Variants in RALGAPA1 observed in about 807,000 individuals in gnomAD.
RALGAPA1 encodes the protein ral GTPase-activating protein subunit alpha-1.
In RALGAPA1, 52 loss-of-function variants were observed where a neutral mutation model predicts 269.6. The ratio of observed to expected loss-of-function variants is 0.19; its 90% CI spans 0.15 to 0.24. RALGAPA1 has a LOEUF of 0.24. RALGAPA1 is among the 10% of genes least tolerant of loss of function. The pLI, the probability that RALGAPA1 is intolerant of heterozygous loss-of-function variation, is 1.00. For synonymous variants in RALGAPA1, 817 were observed against 1,008.3 expected, an observed-to-expected ratio of 0.81 and a Z score of 3.60; for missense variants, 1,917 against 3,013.9, an observed-to-expected ratio of 0.64 and a Z score of 8.52.
At chr14:35,541,439 A>G (rs1213272948) in intron 41 of RALGAPA1, among the ~76,000 whole-genome samples, 1 of 152,210 alleles carries the variant, frequency 6.6e-6, no homozygotes, top group Non-Finnish European at 1.5e-5. Context: ...ATCCAGGTCA[A>G]TTGCCCTTCT....
intron 21 of RALGAPA1, among the ~76,000 whole-genome samples, chr14:35,680,580 TTTTATTTA>T (rs145483057): frequency 1.6e-4 from 24 of 150,606 alleles, no homozygotes; most frequent in South Asian, 6.3e-4. Context: ...CTGCCTTTAA[TTTTATTTA>T]TTTATTTATT....
intron 13 of RALGAPA1, among the ~76,000 whole-genome samples, chr14:35,727,347 A>ATC (rs59640063): frequency 7.7e-6 from 1 of 129,306 alleles, no homozygotes; most frequent in East Asian, 2.4e-4. Context: ...ATATATATAT[A>ATC]GTATAATACT....
Position 35,745,422 on chromosome 14 carries a change from GACACACACAC to G in RALGAPA1, c.1252-2867_1252-2858del, listed in dbSNP as rs71445957. On this transcript the variant is annotated intron_variant, in intron 10 of 41. Coordinates refer to ENST00000680220, the MANE Select transcript of RALGAPA1 (RefSeq NM_001346249.2). Reference sequence around the variant, plus strand: ...ATACACATACACAGACACACAGACAGACACACACACACACACACACACACACACAGTATTA... The same window carrying G: ...ATACACATACACAGACACACAGACAGACACACACACACACACACAGTATTA... Among the ~76,000 whole-genome samples, 7 of 146,782 alleles carry G rather than the reference GACACACACAC, an allele frequency of 4.8e-5. No homozygotes were observed. In the South Asian group the frequency reaches 1.5e-3, roughly 32 times the overall value.
At chr14:35,793,927 A>C (rs1336736776) in intron 1 of RALGAPA1, among the ~76,000 whole-genome samples, 1 of 152,250 alleles carries the variant, frequency 6.6e-6, no homozygotes, top group Admixed American at 6.5e-5. Context: ...ACAAAATGTT[A>C]ATATAAAGAT....
At chr14:35,768,837 C>T (rs143351380) in intron 4 of RALGAPA1, among the ~76,000 whole-genome samples, 1,571 of 150,884 alleles carry the variant, frequency 0.01, 33 homozygotes, top group African/African-American at 0.036. Context: ...GCAGAAACCC[C>T]ATCTCTACTA....
intron 17 of RALGAPA1, among the ~76,000 whole-genome samples, chr14:35,697,980 C>A (rs558478502): frequency 3.5e-4 from 54 of 152,126 alleles, no homozygotes; most frequent in Non-Finnish European, 6.9e-4. Flanking sequence ...AATAAATTAT[C>A]ACTGGTTTTG....
At chr14:35,654,582 TC>T in intron 29 of RALGAPA1, 105 bp from the exon 30 acceptor site, 1 of 1,328,218 alleles carries the variant, frequency 7.5e-7, no homozygotes, top group Non-Finnish European at 1.0e-6. Context: ...GGATTATAAA[TC>T]CTACATTTAT....
chr14:35,712,329 C>T (rs973366386), intron 16 of RALGAPA1, among the ~76,000 whole-genome samples: 5 of 149,842 alleles, frequency 3.3e-5, no homozygotes, highest in African/African-American at 7.4e-5. Context: ...AAATATTTTA[C>T]TTTCATTCAT....
At chr14:35,762,328 T>A (rs968459428) in intron 5 of RALGAPA1, among the ~76,000 whole-genome samples, 2 of 152,184 alleles carry the variant, frequency 1.3e-5, no homozygotes, top group Non-Finnish European at 2.9e-5. Context: ...TGATCTCAGC[T>A]CACTGCAACC....
At chr14:35,577,056 G>A (rs1204139670) in intron 37 of RALGAPA1, among the ~76,000 whole-genome samples, 1 of 152,136 alleles carries the variant, frequency 6.6e-6, no homozygotes, top group South Asian at 2.1e-4. Flanking sequence ...TTATTTTGAT[G>A]TGATTTGTTA....
chr14:35,713,867 G>A (rs996096186), intron 16 of RALGAPA1, among the ~76,000 whole-genome samples: 3 of 152,102 alleles, frequency 2.0e-5, no homozygotes, highest in South Asian at 2.1e-4. Flanking sequence ...AGGCCCAGGC[G>A]GGTGGACTAC....
At chr14:35,609,849 G>C (rs1474755338) in intron 35 of RALGAPA1, among the ~76,000 whole-genome samples, 1 of 151,036 alleles carries the variant, frequency 6.6e-6, no homozygotes, top group Non-Finnish European at 1.5e-5. Flanking sequence ...GATCACTTGA[G>C]CCTGGGAGTT....
At chr14:35,596,997 C>A (rs1199978917) in intron 36 of RALGAPA1, among the ~76,000 whole-genome samples, 2 of 152,034 alleles carry the variant, frequency 1.3e-5, no homozygotes, top group Non-Finnish European at 2.9e-5. Context: ...TAAAGAGATT[C>A]CTCATTTTTG....
intron 17 of RALGAPA1, among the ~76,000 whole-genome samples, chr14:35,691,819 G>C (rs1299470983): frequency 1.3e-5 from 2 of 152,056 alleles, no homozygotes; most frequent in East Asian, 3.8e-4. Flanking sequence ...CTCAACATAG[G>C]TTAAATATAT....
At chr14:35,701,087 T>G (rs1027291963) in intron 16 of RALGAPA1, among the ~76,000 whole-genome samples, 1 of 152,208 alleles carries the variant, frequency 6.6e-6, no homozygotes, top group African/African-American at 2.4e-5. Context: ...AAAATTGCAT[T>G]TGTAGTTGCA....
chr14:35,764,041 T>G (rs957190365), intron 4 of RALGAPA1, among the ~76,000 whole-genome samples: 1 of 152,122 alleles, frequency 6.6e-6, no homozygotes, highest in African/African-American at 2.4e-5. Flanking sequence ...AATTTGGCTA[T>G]TCAAGGTTTC....
At chr14:35,578,350 A>C (rs1284155049) in intron 37 of RALGAPA1, among the ~76,000 whole-genome samples, 1 of 152,044 alleles carries the variant, frequency 6.6e-6, no homozygotes, top group African/African-American at 2.4e-5. Flanking sequence ...ACTTCAGGAG[A>C]TAGGGGTATA....
intron 35 of RALGAPA1, among the ~76,000 whole-genome samples, chr14:35,624,916 C>T (rs148574625): frequency 4.8e-3 from 735 of 152,076 alleles, no homozygotes; most frequent in African/African-American, 0.016. Flanking sequence ...ACAAGCCAGG[C>T]GCGGTGGCTC....
chr14:35,621,257 A>T (rs1400612011), intron 35 of RALGAPA1, among the ~76,000 whole-genome samples: 2 of 152,090 alleles, frequency 1.3e-5, no homozygotes, highest in Non-Finnish European at 2.9e-5. Context: ...AACAAGAAAT[A>T]GGGGAAAGGA....
Sources: gnomAD v4.1 joint callset for allele counts (sites outside exome capture counted in the v4.1 genomes callset) on GRCh38, gnomAD v4.1.1 for gene constraint, MANE v1.5 for transcripts, NCBI Gene and HGNC (gene_info 2026-07-23, HGNC 2026-07-21) for gene names.